The following PTPRD variants were observed in gnomAD, a reference collection of about 807,000 sequenced individuals.
The protein encoded by PTPRD is protein tyrosine phosphatase receptor type D.
PTPRD carries 34 observed loss-of-function variants against 214.5 expected under a neutral mutation model. The observed-to-expected ratio is 0.16, with a 90% confidence interval of 0.12 to 0.21. PTPRD has a LOEUF of 0.21. Ranked by LOEUF, PTPRD falls within the 10% of genes least tolerant of loss-of-function variation. The probability of loss-of-function intolerance (pLI) is 1.00; values close to 1 mark genes in which losing one functional copy is unlikely to be tolerated. For synonymous variants in PTPRD, 1,128 were observed against 845.7 expected (o/e 1.33, Z -5.79); for missense variants, 2,545 against 2,398.7 (o/e 1.06, Z -1.27).
chr9:8,974,928 CT>C (rs2099259873), intron 11 of PTPRD, among the ~76,000 whole-genome samples: 1 of 151,456 alleles, frequency 6.6e-6, no homozygotes, highest in Non-Finnish European at 1.5e-5. Flanking sequence ...GAAACCCCGT[CT>C]GTACTAAAAA....
At chr9:8,789,659 T>G (rs948915719) in intron 11 of PTPRD, among the ~76,000 whole-genome samples, 4 of 151,492 alleles carry the variant, frequency 2.6e-5, no homozygotes, top group Non-Finnish European at 4.4e-5. Context: ...TGCTAGTACC[T>G]TATTATTGAG....
At chr9:8,977,251 T>A (rs1390952933) in intron 11 of PTPRD, among the ~76,000 whole-genome samples, 1 of 152,090 alleles carries the variant, frequency 6.6e-6, no homozygotes, top group African/African-American at 2.4e-5. Flanking sequence ...TTTGCAAAAT[T>A]TATCCCACTA....
chr9:8,349,875 A>G (rs1391361983), intron 39 of PTPRD, among the ~76,000 whole-genome samples: 1 of 151,902 alleles, frequency 6.6e-6, no homozygotes, highest in Non-Finnish European at 1.5e-5. Context: ...GAATCAGAAC[A>G]CAAACTCTAT....
chr9:8,722,444 TC>T (rs2098510954), intron 12 of PTPRD, among the ~76,000 whole-genome samples: 1 of 152,154 alleles, frequency 6.6e-6, no homozygotes. Flanking sequence ...TACCTTACAT[TC>T]CCATTGGTCT....
At chr9:8,911,440 T>TGA (rs35690626) in intron 11 of PTPRD, among the ~76,000 whole-genome samples, 1,944 of 149,078 alleles carry the variant, frequency 0.013, 32 homozygotes, top group African/African-American at 0.039. Flanking sequence ...TGTGTGTGTG[T>TGA]GAGAGAGAGA....
At chr9:10,098,543 A>G (rs424301) in intron 3 of PTPRD, among the ~76,000 whole-genome samples, 93,457 of 151,608 alleles carry the variant, frequency 0.62, 29,262 homozygotes, top group East Asian at 0.71. Flanking sequence ...CTTCTTTCCT[A>G]CTTGAGCGCA....
chr9:9,445,328 T>C (rs1387871236), intron 8 of PTPRD, among the ~76,000 whole-genome samples: 1 of 152,208 alleles, frequency 6.6e-6, no homozygotes, highest in South Asian at 2.1e-4. Flanking sequence ...ATGCCATTGA[T>C]GGATCTGTTT....
At chr9:9,104,924 G>C (rs1311717831) in intron 10 of PTPRD, among the ~76,000 whole-genome samples, 2 of 152,112 alleles carry the variant, frequency 1.3e-5, no homozygotes, top group Admixed American at 6.6e-5. Context: ...TGTGAGATAG[G>C]AAAAGATAAT....
At chr9:9,636,131 C>A (rs59027035) in intron 7 of PTPRD, among the ~76,000 whole-genome samples, 61 of 152,290 alleles carry the variant, frequency 4.0e-4, no homozygotes, top group African/African-American at 1.5e-3. Context: ...ATATTTTTCA[C>A]GTGTTCTTCT....
At chr9:8,486,405 G>A in intron 27 of PTPRD, 56 bp from the exon 28 acceptor site, 1 of 1,444,472 alleles carries the variant, frequency 6.9e-7, no homozygotes, top group African/African-American at 1.4e-5. Flanking sequence ...TCACATTTCA[G>A]TCATTGCCAA....
chr9:9,977,346 A>C (rs1329274030), intron 4 of PTPRD, among the ~76,000 whole-genome samples: 1 of 152,196 alleles, frequency 6.6e-6, no homozygotes, highest in African/African-American at 2.4e-5. Context: ...CCCTATTGGC[A>C]CCCTAATACA....
At chr9:10,243,944 G>A (rs1415332047) in intron 3 of PTPRD, among the ~76,000 whole-genome samples, 1 of 151,914 alleles carries the variant, frequency 6.6e-6, no homozygotes, top group Non-Finnish European at 1.5e-5. Flanking sequence ...ATCATTTGTT[G>A]TATAACACTA....
At chr9:8,422,564 T>C (rs2094437816) in intron 35 of PTPRD, among the ~76,000 whole-genome samples, 2 of 152,164 alleles carry the variant, frequency 1.3e-5, no homozygotes, top group Admixed American at 6.6e-5. Flanking sequence ...ATAACAGCAG[T>C]GAACGAGGTT....
At chr9:9,610,829 C>T (rs1382977399) in intron 7 of PTPRD, among the ~76,000 whole-genome samples, 1 of 151,978 alleles carries the variant, frequency 6.6e-6, no homozygotes, top group Non-Finnish European at 1.5e-5. Flanking sequence ...GTAATTTTAT[C>T]AACAATATTT....
intron 9 of PTPRD, among the ~76,000 whole-genome samples, chr9:9,289,109 A>G (rs1950372425): frequency 6.6e-6 from 1 of 151,862 alleles, no homozygotes; most frequent in Middle Eastern, 3.2e-3. Flanking sequence ...TTACTGAAAA[A>G]CACATGGGCT....
intron 8 of PTPRD, among the ~76,000 whole-genome samples, chr9:9,484,397 G>A (rs1428753017): frequency 6.6e-6 from 1 of 152,042 alleles, no homozygotes; most frequent in Non-Finnish European, 1.5e-5. Flanking sequence ...AGGGAATGGG[G>A]TATTTTTTAG....
chr9:9,691,632 T>A (rs1479043592), intron 7 of PTPRD, among the ~76,000 whole-genome samples: 3 of 152,062 alleles, frequency 2.0e-5, no homozygotes, highest in Non-Finnish European at 4.4e-5. Flanking sequence ...TTCTTTTGGG[T>A]TTATACTCAG....
chr9:9,853,939 A>G (rs1333160314), intron 5 of PTPRD, among the ~76,000 whole-genome samples: 3 of 152,228 alleles, frequency 2.0e-5, no homozygotes, highest in Non-Finnish European at 4.4e-5. Flanking sequence ...TACACTGTGT[A>G]ATAATCAAAT....
rs72706287 is a variant in PTPRD at position 8,941,298 on chromosome 9, G to A, written c.-104+77399C>T. Among the ~76,000 whole-genome samples the A allele has an allele frequency of 5.7e-3, 867 of 152,268 alleles. 2 individuals carry two copies. The highest frequency in any genetic ancestry group is 0.012 in the African/African-American group (504 of 41,554). On this transcript the variant is annotated intron_variant, in intron 11 of 45. Transcript: ENST00000381196. Reference sequence around the variant, plus strand: ...GTAAAAGCTTTACTAAACAAGAGGAGTGTATTTGCAACTAGTTTCAGGCAG... The same window carrying A: ...GTAAAAGCTTTACTAAACAAGAGGAATGTATTTGCAACTAGTTTCAGGCAG...
Sources: allele counts gnomAD v4.1 joint callset (sites outside exome capture counted in the v4.1 genomes callset), GRCh38; gene constraint gnomAD v4.1.1; transcripts MANE v1.5; gene names NCBI Gene and HGNC (gene_info 2026-07-23, HGNC 2026-07-21).